Variants in KDM2A observed in about 807,000 individuals in gnomAD.
The protein encoded by KDM2A is lysine demethylase 2A, also known as lysine-specific demethylase 2A.
A neutral mutation model predicts 137.3 loss-of-function variants in KDM2A; 3 were observed. The ratio of observed to expected loss-of-function variants is 0.02; its 90% CI spans 0.01 to 0.06. KDM2A has a LOEUF of 0.06. KDM2A is among the 10% of genes least tolerant of loss of function. The pLI is 1.00. For synonymous variants in KDM2A, 512 were observed against 541.5 expected (o/e 0.95, Z 0.76); for missense variants, 738 against 1,510.6 (o/e 0.49, Z 8.48).
chr11:67,181,744 T>C, intron 4 of KDM2A, 102 bp from the exon 5 acceptor site: 1 of 870,380 alleles, frequency 1.1e-6, no homozygotes, highest in Non-Finnish European at 1.9e-6. Flanking sequence ...TGATTGTGAA[T>C]ATTACTGTGT....
At position 67,209,935 on chromosome 11, in the gene KDM2A, C is replaced by G. The variant is rs150525864; in HGVS notation, c.486+2247C>G. ...CTTAGCCAGGCATGGTGGCATGCAC[C>G]TGTAGTCCTGGTTACTCAAGAGACC... On this transcript the variant is annotated intron_variant, in intron 6 of 20. Transcript: ENST00000529006. Among the ~76,000 whole-genome samples the G allele has an allele frequency of 1.6e-4, 24 of 152,196 alleles. No individual in the cohort carries two copies. The East Asian group carries it at 4.6e-3, about 29-fold the overall frequency.
At chr11:67,203,003 CAAAAAAAA>C (rs752108775) in intron 5 of KDM2A, among the ~76,000 whole-genome samples, 1 of 104,878 alleles carries the variant, frequency 9.5e-6, no homozygotes, top group Non-Finnish European at 2.1e-5. Flanking sequence ...CGTCCGCCGC[CAAAAAAAA>C]AAAAAAAGAA....
intron 2 of KDM2A, among the ~76,000 whole-genome samples, chr11:67,136,882 A>T (rs933264291): frequency 6.6e-6 from 1 of 152,214 alleles, no homozygotes; most frequent in Non-Finnish European, 1.5e-5. Flanking sequence ...GTCAGACATT[A>T]AACAAATACT....
chr11:67,138,810 T>G (rs568638811), intron 2 of KDM2A, among the ~76,000 whole-genome samples: 21 of 152,258 alleles, frequency 1.4e-4, no homozygotes, highest in African/African-American at 5.1e-4. Flanking sequence ...CAACAGCCTG[T>G]GTTTCAACTA....
At chr11:67,133,261 C>T (rs530905502) in intron 2 of KDM2A, among the ~76,000 whole-genome samples, 21 of 151,514 alleles carry the variant, frequency 1.4e-4, no homozygotes, top group Non-Finnish European at 1.9e-4. Context: ...CACCACACTG[C>T]GCTAATTTTG....
At chr11:67,247,445 T>TTA (rs1555100559) in intron 15 of KDM2A, among the ~76,000 whole-genome samples, 2 of 147,902 alleles carry the variant, frequency 1.4e-5, no homozygotes, top group African/African-American at 2.5e-5. Flanking sequence ...TTTTTTTTTT[T>TTA]AAGACATGGT....
chr11:67,203,003 CAAAA>C (rs752108775), intron 5 of KDM2A, among the ~76,000 whole-genome samples: 10 of 104,852 alleles, frequency 9.5e-5, no homozygotes, highest in Non-Finnish European at 1.1e-4. Flanking sequence ...CGTCCGCCGC[CAAAA>C]AAAAAAAAAA....
rs141456221 is a variant in KDM2A at position 67,140,103 on chromosome 11, A to G, written c.42+18745A>G. Among the ~76,000 whole-genome samples the G allele has an allele frequency of 1.2e-3, 186 of 152,186 alleles. 2 individuals carry two copies. In the East Asian group the frequency reaches 0.032, roughly 26 times the overall value. On this transcript the variant is annotated intron_variant, in intron 2 of 20. Transcript: ENST00000529006. ...GGATTGGGTACGGTGGCTTACACCT[A>G]TAATCCCAACACTTTGGGAGGCTAA...
chr11:67,167,112 C>T (rs1337864543), intron 2 of KDM2A, among the ~76,000 whole-genome samples: 1 of 152,134 alleles, frequency 6.6e-6, no homozygotes, highest in Non-Finnish European at 1.5e-5. Flanking sequence ...TTGCGAGTTA[C>T]TGCTTTTGTT....
chr11:67,160,754 A>G (rs1380473267), intron 2 of KDM2A, among the ~76,000 whole-genome samples: 1 of 152,094 alleles, frequency 6.6e-6, no homozygotes, highest in African/African-American at 2.4e-5. Context: ...CTGGGCAAAA[A>G]GAGTGAAACT....
In KDM2A at chr11:67,170,659, C is replaced by T. The variant is rs183415085; in HGVS notation, c.43-9420C>T. Among the ~76,000 whole-genome samples, 599 of 152,056 alleles carry T rather than the reference C, an allele frequency of 3.9e-3. 6 individuals are homozygous for T. The highest frequency in any genetic ancestry group is 3.5e-3 in the Non-Finnish European group (235 of 67,974). On this transcript the variant is annotated intron_variant, in intron 2 of 20. Transcript: ENST00000529006. ...CGATCTCCTCACCCAGTGATCCGCC[C>T]GCCTCAGCCTCTGAAAGTGCTGGGA...
intron 8 of KDM2A, 168 bp from the exon 9 acceptor site, chr11:67,217,563 C>T: frequency 1.6e-6 from 1 of 627,466 alleles, no homozygotes; most frequent in Admixed American, 2.9e-5. Flanking sequence ...GAAAGATCTA[C>T]TGCCTTGGAC....
At chr11:67,178,395 A>G (rs1857015826) in intron 2 of KDM2A, among the ~76,000 whole-genome samples, 1 of 152,094 alleles carries the variant, frequency 6.6e-6, no homozygotes. Context: ...ACAGAGCACA[A>G]CCCCATCTCA....
chr11:67,139,900 G>A (rs947549212), intron 2 of KDM2A, among the ~76,000 whole-genome samples: 3 of 151,810 alleles, frequency 2.0e-5, no homozygotes, highest in Non-Finnish European at 2.9e-5. Flanking sequence ...AGTAGAGTCC[G>A]GGTTTCACTG....
Position 67,256,359 on chromosome 11 carries a change from AAAAG to A in KDM2A, c.*1317_*1320del, listed in dbSNP as rs560479884. The A allele has an allele frequency of 1.3e-3, 202 of 152,622 alleles. No individual in the cohort carries two copies. The highest frequency in any genetic ancestry group is 3.8e-3 in the African/African-American group (158 of 41,538). The allele number at this position is 152,622 out of a possible 1,614,324, so 9.5% of individuals were successfully genotyped here. A position where few individuals can be genotyped will look rare whatever the true frequency, so the allele number is the denominator to read the frequency against. On this transcript the variant is annotated 3_prime_UTR_variant, in exon 21 of 21. Transcript: ENST00000529006. ...GAGAGCTTTTTGCACTTTAAAAAAA[AAAAG>A]AAAGAAAGAAAGGTCGGAATTTCTT... is the stretch of plus-strand genomic sequence containing the variant.
intron 2 of KDM2A, among the ~76,000 whole-genome samples, chr11:67,150,073 A>G (rs895769924): frequency 2.6e-5 from 4 of 152,202 alleles, no homozygotes; most frequent in African/African-American, 7.2e-5. Flanking sequence ...AAATTCAACA[A>G]TTCGTTGTGT....
At position 67,121,200 on chromosome 11, in the gene KDM2A, A is replaced by G. The variant is rs1297111516; in HGVS notation, c.-83-34A>G. On this transcript the variant is annotated intron_variant, in intron 1 of 20. Transcript: ENST00000529006. Reference sequence around the variant, plus strand: ...AACAGAAAGCACAAGTTTGAGAATGAGTTCTCATTTCTGCTTATATCATTA... The same window carrying G: ...AACAGAAAGCACAAGTTTGAGAATGGGTTCTCATTTCTGCTTATATCATTA... The G allele has an allele frequency of 8.2e-6, 6 of 733,388 alleles. No individual in the cohort carries two copies. In the East Asian group the frequency reaches 1.6e-4, roughly 19 times the overall value. 45.4% of individuals were successfully genotyped at this position (733,388 alleles called of 1,614,324 possible).
chr11:67,245,536 T>TA lies in KDM2A; in HGVS notation c.1833+81dup. 6.8e-7 allele frequency: 1 copy of TA among 1,477,800 alleles called. No homozygotes were observed. 91.5% of individuals were successfully genotyped at this position (1,477,800 alleles called of 1,614,324 possible). A position where few individuals can be genotyped will look rare whatever the true frequency, so the allele number is the denominator to read the frequency against. ...AACTGAAATACATATAGTGTAGAGTTAAAGAGACTTCAGAGTTGGAAAGAA... is the reference window on the plus strand; with the variant it reads ...AACTGAAATACATATAGTGTAGAGTTAAAAGAGACTTCAGAGTTGGAAAGAA... On this transcript the variant is annotated intron_variant, in intron 14 of 20. Coordinates refer to ENST00000529006, the MANE Select transcript of KDM2A (RefSeq NM_012308.3). This position sits in a 1 kb window ranked among gnomAD's most constrained non-coding sequence, Gnocchi z 4.1.
chr11:67,189,075 C>T (rs1425299302), intron 5 of KDM2A, among the ~76,000 whole-genome samples: 1 of 152,132 alleles, frequency 6.6e-6, no homozygotes, highest in Non-Finnish European at 1.5e-5. Flanking sequence ...ATCTCACAGA[C>T]ACAGACAGAA....
Sources: gnomAD v4.1 joint callset for allele counts (sites outside exome capture counted in the v4.1 genomes callset) on GRCh38, gnomAD v4.1.1 for gene constraint, Gnocchi (gnomAD v3.1) non-coding constraint, MANE v1.5 for transcripts, NCBI Gene and HGNC (gene_info 2026-07-23, HGNC 2026-07-21) for gene names.